Variants in CHRNA3 observed in about 807,000 individuals in gnomAD.
The protein encoded by CHRNA3 is cholinergic receptor nicotinic alpha 3 subunit.
In CHRNA3, 34 loss-of-function variants were observed where a neutral mutation model predicts 41.9. The ratio of observed to expected loss-of-function variants is 0.81; its 90% CI spans 0.62 to 1.08. CHRNA3 has a LOEUF of 1.08. Among genes scored for constraint, CHRNA3 ranks in the 50% least tolerant of loss-of-function variants. CHRNA3 has a pLI of 0.00. For synonymous variants in CHRNA3, 281 were observed against 265.2 expected (o/e 1.06, Z -0.58); for missense variants, 542 against 638.3 (o/e 0.85, Z 1.63).
chr15:78,615,767 G>T (rs574202238), intron 4 of CHRNA3, among the ~76,000 whole-genome samples: 3 of 142,030 alleles, frequency 2.1e-5, no homozygotes, highest in Non-Finnish European at 3.1e-5. Flanking sequence ...TTTTTGAGAC[G>T]GAGTCTCACT....
chr15:78,605,995 A>G (rs1471420852), intron 4 of CHRNA3, among the ~76,000 whole-genome samples: 1 of 152,146 alleles, frequency 6.6e-6, no homozygotes, highest in African/African-American at 2.4e-5. Flanking sequence ...CTATTTAAAC[A>G]AGAGCAACGA....
rs1196040805 is a variant in CHRNA3, at chr15:78,617,266, A to G, written c.268-133T>C. ...ACCGAACCACATCCATGCCATGATC[A>G]CATAGTCCAACTTCTCCTGTGGGTG... On this transcript the variant is annotated intron_variant, in intron 3 of 5. Coordinates refer to ENST00000326828, the MANE Select transcript of CHRNA3 (RefSeq NM_000743.5). The G allele has an allele frequency of 7.9e-6, 5 of 636,646 alleles. No homozygotes were observed. The African/African-American group carries it at 9.0e-5, about 12-fold the overall frequency. The allele number at this position is 636,646 out of a possible 1,614,324, so 39.4% of individuals were successfully genotyped here. A position where few individuals can be genotyped will look rare whatever the true frequency, so the allele number is the denominator to read the frequency against.
chr15:78,597,966 C>T (rs936630333), intron 5 of CHRNA3, among the ~76,000 whole-genome samples: 2 of 152,104 alleles, frequency 1.3e-5, no homozygotes, highest in Admixed American at 6.5e-5. Flanking sequence ...GCCATATTTG[C>T]CATGAGGTAC....
chr15:78,598,861 TCTCA>T (rs1263593993), intron 5 of CHRNA3, among the ~76,000 whole-genome samples: 1 of 110,832 alleles, frequency 9.0e-6, no homozygotes, highest in Non-Finnish European at 1.8e-5. Context: ...TGAAACGGAG[TCTCA>T]CTCTGTCACC....
downstream of CHRNA3, chr15:78,593,158 G>A (rs367546696): frequency 1.2e-5 from 20 of 1,613,482 alleles, no homozygotes; most frequent in Non-Finnish European, 1.5e-5. Flanking sequence ...TTTTCTTTTC[G>A]TTTCAATTGT....
intron 4 of CHRNA3, among the ~76,000 whole-genome samples, chr15:78,613,869 C>A (rs539377082): frequency 8.2e-4 from 124 of 151,722 alleles, no homozygotes; most frequent in Middle Eastern, 3.4e-3. Flanking sequence ...TGGCGTGAAC[C>A]AGGGAGGCGG....
intron 5 of CHRNA3, 27 bp downstream of exon 5, chr15:78,601,226 C>A: frequency 6.3e-7 from 1 of 1,597,390 alleles, no homozygotes; most frequent in Non-Finnish European, 8.5e-7. Flanking sequence ...GAATGAATGA[C>A]CAATGTAATA....
intron 4 of CHRNA3, among the ~76,000 whole-genome samples, chr15:78,602,734 G>A (rs2053225477): frequency 6.6e-6 from 1 of 152,154 alleles, no homozygotes; most frequent in African/African-American, 2.4e-5. Context: ...GGATGTGGAA[G>A]GGGCTGCACA....
chr15:78,607,726 A>AGTG (rs1365785457), intron 4 of CHRNA3, among the ~76,000 whole-genome samples: 7 of 152,204 alleles, frequency 4.6e-5, no homozygotes, highest in African/African-American at 1.7e-4. Context: ...TGGGTGCAGG[A>AGTG]TAGTGGGTGC....
intron 4 of CHRNA3, among the ~76,000 whole-genome samples, chr15:78,609,049 C>G (rs1439386519): frequency 6.6e-6 from 1 of 151,898 alleles, no homozygotes; most frequent in African/African-American, 2.4e-5. Context: ...ATAGAAATGA[C>G]CAAAGCCTCC....
chr15:78,596,969 G>T (rs2053123523), intron 5 of CHRNA3, among the ~76,000 whole-genome samples: 1 of 152,120 alleles, frequency 6.6e-6, no homozygotes, highest in African/African-American at 2.4e-5. Flanking sequence ...TTTCAAATCA[G>T]AAGTTTCCTA....
At chr15:78,619,014 C>A (rs2053509927) in intron 1 of CHRNA3, 99 bp from the exon 2 acceptor site, 4 of 1,329,258 alleles carry the variant, frequency 3.0e-6, no homozygotes, top group Non-Finnish European at 4.2e-6. Flanking sequence ...TCCCCTCCAC[C>A]TGTGGGGGGA....
chr15:78,620,609 C>A, intron 1 of CHRNA3, 104 bp downstream of exon 1: 1 of 1,406,538 alleles, frequency 7.1e-7, no homozygotes, highest in Non-Finnish European at 9.2e-7. Flanking sequence ...ACGGCGCCAG[C>A]CCTCTCCGCT....
chr15:78,607,290 T>C (rs2053305848), intron 4 of CHRNA3, among the ~76,000 whole-genome samples: 3 of 151,478 alleles, frequency 2.0e-5, no homozygotes, highest in South Asian at 2.1e-4. Flanking sequence ...CCAAGTTACC[T>C]AAAAGTATTC....
At chr15:78,609,842 C>A (rs1192926302) in intron 4 of CHRNA3, among the ~76,000 whole-genome samples, 3 of 152,094 alleles carry the variant, frequency 2.0e-5, no homozygotes, top group Non-Finnish European at 2.9e-5. Flanking sequence ...CCATTTCACA[C>A]GCAGAGACAC....
chr15:78,617,221 C>T (rs949140003), intron 3 of CHRNA3, 88 bp from the exon 4 acceptor site: 9 of 781,236 alleles, frequency 1.2e-5, no homozygotes, highest in Admixed American at 1.1e-4. Flanking sequence ...CTTGGTGACT[C>T]CCCACCCCTG....
rs2053510569 is a variant in CHRNA3, at chr15:78,619,049, G to T, written c.83-134C>A. ...ATTCTGTGGAACCCTAGACTTTCAGGCCAGTCTAACCCAGTGGGTTACAAA... is the reference window on the plus strand; with the variant it reads ...ATTCTGTGGAACCCTAGACTTTCAGTCCAGTCTAACCCAGTGGGTTACAAA... On this transcript the variant is annotated intron_variant, in intron 1 of 5. Coordinates refer to ENST00000326828, the MANE Select transcript of CHRNA3 (RefSeq NM_000743.5). 16 of 1,075,394 alleles carry T rather than the reference G, an allele frequency of 1.5e-5. No individual in the cohort carries two copies. In the South Asian group the frequency reaches 2.2e-4, roughly 15 times the overall value. 66.6% of individuals were successfully genotyped at this position (1,075,394 alleles called of 1,614,324 possible). A position where few individuals can be genotyped will look rare whatever the true frequency, so the allele number is the denominator to read the frequency against.
At chr15:78,606,699 T>C (rs2053293549) in intron 4 of CHRNA3, among the ~76,000 whole-genome samples, 1 of 150,502 alleles carries the variant, frequency 6.6e-6, no homozygotes, top group Non-Finnish European at 1.5e-5. Flanking sequence ...ATCGAGACCA[T>C]CCTGGCTAAC....
At chr15:78,596,813 A>G in intron 5 of CHRNA3, 81 bp from the exon 6 acceptor site, 2 of 1,508,572 alleles carry the variant, frequency 1.3e-6, no homozygotes, top group South Asian at 2.7e-5. Context: ...GATGTAATCA[A>G]CACGTTGCAG....
Sources: allele counts gnomAD v4.1 joint callset (sites outside exome capture counted in the v4.1 genomes callset), GRCh38; gene constraint gnomAD v4.1.1; transcripts MANE v1.5; gene names NCBI Gene and HGNC (gene_info 2026-07-23, HGNC 2026-07-21).